Variants in TENM1 observed in about 807,000 individuals in gnomAD.
The protein encoded by TENM1 is teneurin transmembrane protein 1.
TENM1 carries 35 observed loss-of-function variants against 174.8 expected under a neutral mutation model. The ratio of observed to expected loss-of-function variants is 0.20; its 90% CI spans 0.15 to 0.27. The LOEUF (loss-of-function observed/expected upper bound fraction) is 0.27. Among genes scored for constraint, TENM1 ranks in the 10% least tolerant of loss-of-function variants. The pLI is 1.00. For synonymous variants in TENM1, 781 were observed against 798.7 expected (o/e 0.98, Z 0.37); for missense variants, 1,633 against 2,130.1 (o/e 0.77, Z 4.59).
chrX:124,416,646 T>C (rs1216922851), intron 25 of TENM1, among the ~76,000 whole-genome samples: 1 of 111,358 alleles, frequency 9.0e-6, no homozygotes, highest in Non-Finnish European at 1.9e-5. Context: ...CTAAATCAAG[T>C]GGTCAATTCT....
At chrX:124,730,867 C>T (rs770170026) in intron 4 of TENM1, among the ~76,000 whole-genome samples, 2 of 111,461 alleles carry the variant, frequency 1.8e-5, no homozygotes, top group East Asian at 5.6e-4. Context: ...GGCCCAAATC[C>T]CAGACTTTAG....
chrX:124,396,244 G>C (rs764413995), intron 27 of TENM1, among the ~76,000 whole-genome samples: 1 of 109,173 alleles, frequency 9.2e-6, no homozygotes, highest in Admixed American at 9.8e-5. Context: ...AGTCTCCTGG[G>C]GAAACCATGT....
At chrX:124,849,517 A>C (rs2056678098) in intron 3 of TENM1, among the ~76,000 whole-genome samples, 1 of 102,946 alleles carries the variant, frequency 9.7e-6, no homozygotes, top group African/African-American at 4.3e-5. Flanking sequence ...ACTGGAGAAC[A>C]GTCTCTAGTA....
intron 23 of TENM1, among the ~76,000 whole-genome samples, chrX:124,452,198 C>G (rs1229569390): frequency 8.9e-6 from 1 of 112,350 alleles, no homozygotes; most frequent in Non-Finnish European, 1.9e-5. Flanking sequence ...AACCCATCAA[C>G]AAGTGGGCAA....
the TENM1 span, among the ~76,000 whole-genome samples, chrX:125,129,858 T>C: frequency 9.0e-6 from 1 of 111,534 alleles, no homozygotes; most frequent in Non-Finnish European, 1.9e-5. Context: ...AATGGACACT[T>C]AGGTTGCTTC....
In TENM1 at chrX:124,681,862, G is replaced by A. The variant is rs139609269; in HGVS notation, c.1016-10027C>T. 3.7e-3 allele frequency among the ~76,000 whole-genome samples: 413 copies of A among 111,836 alleles called. 1 individual carries two copies. Among genetic ancestry groups the A allele is most frequent in the African/African-American group, 0.013 (397 of 30,852 alleles). ...CATACTAAATGCCCAATAAAGGTTA[G>A]CAATCATTATTAAGCCTGTTTAATT... On this transcript the variant is annotated intron_variant, in intron 5 of 31. Coordinates refer to ENST00000422452, the Ensembl canonical transcript of TENM1.
the TENM1 span, among the ~76,000 whole-genome samples, chrX:125,049,041 A>G: frequency 8.9e-6 from 1 of 112,034 alleles, no homozygotes; most frequent in Non-Finnish European, 1.9e-5. Context: ...CCTACAACAC[A>G]TAAGTGCTCA....
the TENM1 span, among the ~76,000 whole-genome samples, chrX:125,188,706 TATC>T: frequency 8.9e-6 from 1 of 111,925 alleles, no homozygotes; most frequent in Non-Finnish European, 1.9e-5. Context: ...GACAACAGGG[TATC>T]ATATTATTAC....
intron 21 of TENM1, among the ~76,000 whole-genome samples, chrX:124,483,038 T>C (rs748697983): frequency 8.9e-6 from 1 of 112,339 alleles, no homozygotes. Context: ...ATATTTTCTA[T>C]AGATCGATAT....
At chrX:125,148,377 C>G in the TENM1 span, among the ~76,000 whole-genome samples, 2 of 111,140 alleles carry the variant, frequency 1.8e-5, no homozygotes, top group African/African-American at 6.5e-5. Context: ...TTCCTGTAGT[C>G]CAATTATGAC....
chrX:124,810,531 T>C (rs993243778), intron 3 of TENM1, among the ~76,000 whole-genome samples: 1 of 111,325 alleles, frequency 9.0e-6, no homozygotes, highest in African/African-American at 3.3e-5. Flanking sequence ...CTATAAAACC[T>C]TGATGAAAGA....
At chrX:124,797,415 G>T (rs975757308) in intron 3 of TENM1, among the ~76,000 whole-genome samples, 4 of 111,502 alleles carry the variant, frequency 3.6e-5, no homozygotes, top group African/African-American at 1.3e-4. Context: ...TATTCCTAGA[G>T]ACTTGTCCAT....
the TENM1 span, among the ~76,000 whole-genome samples, chrX:125,189,777 A>G: frequency 8.9e-6 from 1 of 112,480 alleles, no homozygotes; most frequent in Non-Finnish European, 1.9e-5. Flanking sequence ...GTATATATGA[A>G]TATGCACATA....
intron 14 of TENM1, among the ~76,000 whole-genome samples, chrX:124,556,301 G>T (rs371910363): frequency 9.2e-6 from 1 of 108,275 alleles, no homozygotes; most frequent in East Asian, 2.9e-4. Flanking sequence ...AAAATTAGTC[G>T]GAGGGGCGGG....
intron 27 of TENM1, among the ~76,000 whole-genome samples, chrX:124,396,457 A>G (rs1294180822): frequency 9.1e-6 from 1 of 109,357 alleles, no homozygotes; most frequent in African/African-American, 3.4e-5. Flanking sequence ...GCCCGCCACC[A>G]CGCCCAGCTA....
At chrX:124,481,145 G>A (rs1199054701) in intron 22 of TENM1, among the ~76,000 whole-genome samples, 1 of 112,187 alleles carries the variant, frequency 8.9e-6, no homozygotes, top group East Asian at 2.8e-4. Context: ...TATTCTAGAG[G>A]CAATATCAAC....
At chrX:124,512,341 A>T (rs2047603387) in intron 18 of TENM1, among the ~76,000 whole-genome samples, 1 of 111,446 alleles carries the variant, frequency 9.0e-6, no homozygotes, top group South Asian at 3.8e-4. Flanking sequence ...AATAAAATAC[A>T]ATGATTTCCA....
At chrX:124,671,957 G>T in intron 5 of TENM1, 122 bp from the exon 9 acceptor site, 2 of 668,891 alleles carry the variant, frequency 3.0e-6, no homozygotes, top group Non-Finnish European at 4.6e-6. Context: ...CCAAGTAACT[G>T]GGAGTTTATA....
chrX:125,174,636 T>C, the TENM1 span, among the ~76,000 whole-genome samples: 1 of 111,621 alleles, frequency 9.0e-6, no homozygotes, highest in Non-Finnish European at 1.9e-5. Flanking sequence ...TATTCCACAA[T>C]AAAAACATTC....
Sources: allele counts gnomAD v4.1 joint callset (sites outside exome capture counted in the v4.1 genomes callset), GRCh38; gene constraint gnomAD v4.1.1; transcripts MANE v1.5; gene names NCBI Gene and HGNC (gene_info 2026-07-23, HGNC 2026-07-21).